The following ADTRP variants were observed in gnomAD, a reference collection of about 807,000 sequenced individuals.
ADTRP encodes androgen dependent TFPI regulating protein.
A neutral mutation model predicts 27.0 loss-of-function variants in ADTRP; 20 were observed. The ratio of observed to expected loss-of-function variants is 0.74; its 90% CI spans 0.52 to 1.08. ADTRP has a LOEUF of 1.08. Ranked by LOEUF, ADTRP falls within the 50% of genes least tolerant of loss-of-function variation. ADTRP has a pLI of 0.00. For synonymous variants in ADTRP, 101 were observed against 105.2 expected, an observed-to-expected ratio of 0.96 and a Z score of 0.25; for missense variants, 251 against 275.0, an observed-to-expected ratio of 0.91 and a Z score of 0.62.
At chr6:11,730,829 C>A (rs1762358449) in intron 4 of ADTRP, among the ~76,000 whole-genome samples, 1 of 152,236 alleles carries the variant, frequency 6.6e-6, no homozygotes, top group South Asian at 2.1e-4. Flanking sequence ...GCAGGGACAC[C>A]TGCAGCATCA....
At position 11,735,620 on chromosome 6, in the gene ADTRP, T is replaced by C. The variant is rs1209813522; in HGVS notation, c.454A>G (p.Lys152Glu). 3 of 1,614,044 alleles carry C rather than the reference T, an allele frequency of 1.9e-6. No individual in the cohort carries two copies. Among genetic ancestry groups the C allele is most frequent in the Admixed American group, 1.7e-5 (1 of 60,018 alleles). ...VVLRPHSYPS[K>E]KTGLTLLAAA... The stretch of plus-strand genomic sequence containing the variant: ...GCCAGCAAGGTGAGTCCTGTCTTCT[T>C]TGATGGATAGGAGTGAGGCCTGAGG... Residue 152 changes from lysine to glutamate, a missense_variant, in exon 4 of 6, where the codon AAG becomes GAG. Lys to Glu is a moderately conservative substitution (Grantham distance 56). Coordinates refer to ENST00000414691, the MANE Select transcript of ADTRP (RefSeq NM_032744.4).
chr6:11,731,191 T>C (rs1762368327), intron 4 of ADTRP, among the ~76,000 whole-genome samples: 1 of 152,238 alleles, frequency 6.6e-6, no homozygotes, highest in Non-Finnish European at 1.5e-5. Context: ...TGCTTGGGGA[T>C]ATCACTGGAA....
At chr6:11,728,009 A>G (rs1257338971) in intron 4 of ADTRP, among the ~76,000 whole-genome samples, 5 of 149,688 alleles carry the variant, frequency 3.3e-5, no homozygotes, top group African/African-American at 1.2e-4. Context: ...GAGGGAGGGA[A>G]CTTTGCATTC....
At chr6:11,764,114 TC>T (rs921659843) in intron 3 of ADTRP, among the ~76,000 whole-genome samples, 4 of 152,186 alleles carry the variant, frequency 2.6e-5, no homozygotes, top group Admixed American at 2.0e-4. Flanking sequence ...AGGGGCAAGG[TC>T]CACAGCACCC....
chr6:11,743,778 G>A (rs1561756492), intron 3 of ADTRP, among the ~76,000 whole-genome samples: 1 of 152,208 alleles, frequency 6.6e-6, no homozygotes, highest in Non-Finnish European at 1.5e-5. Flanking sequence ...AAGAGGAAGA[G>A]AGGTCTTCTG....
chr6:11,724,038 C>T (rs1179785192), intron 4 of ADTRP, among the ~76,000 whole-genome samples: 1 of 151,642 alleles, frequency 6.6e-6, no homozygotes, highest in Non-Finnish European at 1.5e-5. Flanking sequence ...CTAGCCTGGG[C>T]AACAAGAGTG....
At chr6:11,736,963 C>T (rs1222661469) in intron 3 of ADTRP, among the ~76,000 whole-genome samples, 2 of 152,014 alleles carry the variant, frequency 1.3e-5, no homozygotes, top group Admixed American at 6.6e-5. Flanking sequence ...CTCCTTATAA[C>T]CATCTGTTTT....
In ADTRP at chr6:11,768,311, T is replaced by A. The variant is rs892794499; in HGVS notation, c.226A>T (p.Ile76Phe). The part of the protein sequence containing the change: ...VLKRTKGGKD[I>F]KFLTAFRDLL... ...TCTCTGAAGGCAGTTAGGAACTTAA[T>A]GTCTTTTCCCCCTTTGGTTCTTTTC... The change falls in exon 2 of 6, where the codon ATT becomes TTT. Residue 76 changes from isoleucine to phenylalanine, a missense_variant. Transcript: ENST00000414691. The A allele has an allele frequency of 6.2e-7, 1 of 1,614,246 alleles. No homozygotes were observed. The highest frequency in any genetic ancestry group is 2.2e-5 in the East Asian group (1 of 44,890).
At position 11,766,307 on chromosome 6, in the gene ADTRP, A is replaced by G; in HGVS notation, c.357T>C (p.Asp119=). Residue 119 remains aspartate (D), a synonymous_variant, in exon 3 of 6, where the codon GAT becomes GAC. Coordinates refer to ENST00000414691, the MANE Select transcript of ADTRP (RefSeq NM_032744.4). ...NRDLIYPKVL[D]TVIPVWLNHA... ...GATTCAGCCACACGGGGATGACAGT[A>G]TCTAGGACCTTGGGGTAAATGAGAT... 6.2e-7 allele frequency: 1 copy of G among 1,613,026 alleles called. No homozygotes were observed. Among genetic ancestry groups the G allele is most frequent in the Non-Finnish European group, 8.5e-7 (1 of 1,179,386 alleles).
intron 5 of ADTRP, among the ~76,000 whole-genome samples, chr6:11,721,096 T>A (rs897122644): frequency 6.6e-6 from 1 of 152,132 alleles, no homozygotes; most frequent in Non-Finnish European, 1.5e-5. Context: ...GTAAGTCTGG[T>A]GACTGGGAGG....
chr6:11,737,078 G>A (rs184466313), intron 3 of ADTRP, among the ~76,000 whole-genome samples: 1 of 150,302 alleles, frequency 6.7e-6, no homozygotes, highest in Admixed American at 6.6e-5. Context: ...GCTGCAGCCT[G>A]CTCCCATCTT....
intron 3 of ADTRP, chr6:11,755,048 TC>T: frequency 1.0e-6 from 1 of 985,440 alleles, no homozygotes; most frequent in Non-Finnish European, 1.2e-6. Flanking sequence ...CTGGTTATTC[TC>T]CAGCATCAAG....
intron 2 of ADTRP, 148 bp from the exon 3 acceptor site, chr6:11,766,523 A>AC: frequency 2.0e-6 from 1 of 493,746 alleles, no homozygotes; most frequent in Non-Finnish European, 3.6e-6. Context: ...GTACATATAC[A>AC]TTACAGTAAT....
At chr6:11,726,616 A>G (rs6936922) in intron 4 of ADTRP, among the ~76,000 whole-genome samples, 9,631 of 152,240 alleles carry the variant, frequency 0.063, 820 homozygotes, top group East Asian at 0.46. Flanking sequence ...ACCTCTTTTC[A>G]ATCTCTGATA....
chr6:11,773,169 G>T (rs770331048), intron 1 of ADTRP, among the ~76,000 whole-genome samples: 1 of 152,176 alleles, frequency 6.6e-6, no homozygotes, highest in African/African-American at 2.4e-5. Flanking sequence ...GCCAGGGAAA[G>T]CTCTGTGTTA....
At chr6:11,715,901 C>T (rs1446566301) in intron 5 of ADTRP, among the ~76,000 whole-genome samples, 1 of 144,708 alleles carries the variant, frequency 6.9e-6, no homozygotes, top group Non-Finnish European at 1.5e-5. Context: ...CTCCTGGCCT[C>T]ACCACAAGGG....
intron 5 of ADTRP, among the ~76,000 whole-genome samples, chr6:11,718,089 TAAAAG>T (rs1341831774): frequency 6.6e-6 from 1 of 152,234 alleles, no homozygotes; most frequent in Non-Finnish European, 1.5e-5. Flanking sequence ...CAAATAATAT[TAAAAG>T]AAAGTTTCCA....
At position 11,730,793 on chromosome 6, in the gene ADTRP, C is replaced by T. The variant is rs564491366; in HGVS notation, c.506+4775G>A. ...GCTGCATATCTGTGCAGTGTTTGTA[C>T]GGGGCATGCAATACTTTACACACTA... On this transcript the variant is annotated intron_variant, in intron 4 of 5. Transcript: ENST00000414691. 5.3e-5 allele frequency among the ~76,000 whole-genome samples: 8 copies of T among 152,308 alleles called. No homozygotes were observed. In the East Asian group the frequency reaches 9.7e-4, roughly 18 times the overall value.
chr6:11,745,893 C>T (rs1006721757), intron 3 of ADTRP, among the ~76,000 whole-genome samples: 25 of 152,024 alleles, frequency 1.6e-4, no homozygotes, highest in African/African-American at 5.6e-4. Flanking sequence ...TGGGTTCAAG[C>T]GATTCTCCTG....
Sources: gnomAD v4.1 joint callset for allele counts (sites outside exome capture counted in the v4.1 genomes callset) on GRCh38, gnomAD v4.1.1 for gene constraint, MANE v1.5 for transcripts, NCBI Gene and HGNC (gene_info 2026-07-23, HGNC 2026-07-21) for gene names.